TTC13: variants seen among roughly 807,000 people sequenced by gnomAD.
TTC13 encodes the protein tetratricopeptide repeat protein 13.
TTC13 carries 62 observed loss-of-function variants against 120.0 expected under a neutral mutation model. The ratio of observed to expected loss-of-function variants is 0.52; its 90% CI spans 0.42 to 0.64. The LOEUF (loss-of-function observed/expected upper bound fraction) is 0.64. Ranked by LOEUF, TTC13 falls within the 30% of genes least tolerant of loss-of-function variation. The pLI is 0.00. For missense variants in TTC13, 824 were observed against 1,050.2 expected, an observed-to-expected ratio of 0.78 and a Z score of 2.98; for synonymous variants, 384 against 393.5, an observed-to-expected ratio of 0.98 and a Z score of 0.28.
intron 13 of TTC13, among the ~76,000 whole-genome samples, chr1:230,925,205 G>A (rs1011003293): frequency 5.9e-5 from 9 of 152,166 alleles, no homozygotes; most frequent in Admixed American, 4.6e-4. Flanking sequence ...GCCTCCTACT[G>A]AAACAAGTGG....
At chr1:230,913,801 C>T (rs555398636) in intron 18 of TTC13, among the ~76,000 whole-genome samples, 136 of 152,294 alleles carry the variant, frequency 8.9e-4, no homozygotes, top group African/African-American at 3.2e-3. Flanking sequence ...GAGACCCAGA[C>T]ATTGGAAAGC....
rs190037520 is a variant in TTC13 at position 230,917,608 on chromosome 1, T to C, written c.1984-1306A>G. On this transcript the variant is annotated intron_variant, in intron 17 of 22. Transcript: ENST00000366661. ...TCCTGGGTAAAGGCTAGATGTATAATGCTGAAATGGAATGTCATCCCACCG... is the reference window on the plus strand; with the variant it reads ...TCCTGGGTAAAGGCTAGATGTATAACGCTGAAATGGAATGTCATCCCACCG... Among the ~76,000 whole-genome samples the C allele has an allele frequency of 3.3e-3, 506 of 152,232 alleles. 3 individuals are homozygous for C. The highest frequency in any genetic ancestry group is 7.0e-3 in the South Asian group (34 of 4,828).
intron 4 of TTC13, among the ~76,000 whole-genome samples, chr1:230,948,400 C>CAAAAAA (rs57051929): frequency 0.15 from 14,563 of 96,094 alleles, 1,564 homozygotes; most frequent in Non-Finnish European, 0.23. Context: ...ACTCACAATA[C>CAAAAAA]AAAAAAAAAA....
At chr1:230,930,910 C>T (rs1048798173) in intron 11 of TTC13, among the ~76,000 whole-genome samples, 1 of 152,144 alleles carries the variant, frequency 6.6e-6, no homozygotes, top group Non-Finnish European at 1.5e-5. Flanking sequence ...GAGCAAGACT[C>T]CATCTCAAAA....
intron 8 of TTC13, among the ~76,000 whole-genome samples, chr1:230,935,170 T>G (rs1435251376): frequency 6.6e-6 from 1 of 152,338 alleles, no homozygotes; most frequent in East Asian, 1.9e-4. Flanking sequence ...TGGTGTAACC[T>G]TGATCTTTTA....
intron 17 of TTC13, 98 bp from the exon 18 acceptor site, chr1:230,916,400 A>G (rs1324168681): frequency 3.2e-6 from 3 of 933,644 alleles, no homozygotes; most frequent in Non-Finnish European, 5.2e-6. Flanking sequence ...ATGTTTTTAA[A>G]AAGGGCCAAG....
intron 1 of TTC13, among the ~76,000 whole-genome samples, chr1:230,973,528 A>C (rs939395330): frequency 1.2e-4 from 18 of 152,250 alleles, no homozygotes; most frequent in African/African-American, 4.1e-4. Flanking sequence ...ATGAAAATTA[A>C]GACATCAAGT....
rs561074147 is a variant in TTC13 at position 230,960,506 on chromosome 1, G to T, written c.366+703C>A. On this transcript the variant is annotated intron_variant, in intron 2 of 22. Coordinates refer to ENST00000366661, the MANE Select transcript of TTC13 (RefSeq NM_024525.5). ...TGCAGCGAGTTAGGTAAAAGCAGAC[G>T]ATCATTCTCTAGTTTGCAGTTTCAA... is the stretch of plus-strand genomic sequence containing the variant. 1.7e-4 allele frequency among the ~76,000 whole-genome samples: 25 copies of T among 151,278 alleles called. 1 individual carries two copies. The East Asian group carries it at 2.5e-3, about 15-fold the overall frequency.
Position 230,910,331 on chromosome 1 carries a change from C to T in TTC13, c.2309+1139G>A, listed in dbSNP as rs149350599. On this transcript the variant is annotated intron_variant, in intron 20 of 22. Coordinates refer to ENST00000366661, the MANE Select transcript of TTC13 (RefSeq NM_024525.5). ...GAAGCAAAAGAGCCACGGAAGAGAG[C>T]GGTGCTGCAGCCAAGGCAAACCAGG... 4.9e-3 allele frequency among the ~76,000 whole-genome samples: 746 copies of T among 152,294 alleles called. 10 individuals carry two copies. The highest frequency in any genetic ancestry group is 0.016 in the African/African-American group (654 of 41,556).
chr1:230,911,216 T>C (rs1252989525), intron 20 of TTC13, among the ~76,000 whole-genome samples: 1 of 152,204 alleles, frequency 6.6e-6, no homozygotes, highest in Non-Finnish European at 1.5e-5. Flanking sequence ...CAGTAAACTT[T>C]CCATGAACTT....
At chr1:230,943,664 G>A (rs1472186928) in intron 6 of TTC13, 142 bp downstream of exon 6, 3 of 563,250 alleles carry the variant, frequency 5.3e-6, no homozygotes, top group Non-Finnish European at 9.3e-6. Context: ...TTTCAACCAT[G>A]CTTAAAGGCA....
chr1:230,957,566 C>T (rs945732105), intron 3 of TTC13, among the ~76,000 whole-genome samples: 2 of 152,166 alleles, frequency 1.3e-5, no homozygotes, highest in African/African-American at 4.8e-5. Flanking sequence ...TGACTGGGCC[C>T]CATGCGAAAA....
chr1:230,978,687 GTGCTCGGTGGCCAGGGCGCCTGGCCGC>G lies in TTC13; in HGVS notation c.117_143del (p.Arg40_His48del). ...GCTTGAGCAGGGAGAGCGGCGAGTA[GTGCTCGGTGGCCAGGGCGCCTGGCCGC>G]AGCCCGGCGGACAGGACCCCCAGCA... On this transcript the variant is annotated inframe_deletion, in exon 1 of 23. Transcript: ENST00000366661. The surrounding 1 kb of genome is among the most constrained non-coding windows in gnomAD (Gnocchi z 5.6). 5 of 1,494,814 alleles carry G rather than the reference GTGCTCGGTGGCCAGGGCGCCTGGCCGC, an allele frequency of 3.3e-6. No individual in the cohort carries two copies. Among genetic ancestry groups the G allele is most frequent in the Non-Finnish European group, 4.4e-6 (5 of 1,130,544 alleles). The allele number at this position is 1,494,814 out of a possible 1,614,324, so 92.6% of individuals were successfully genotyped here.
intron 1 of TTC13, among the ~76,000 whole-genome samples, chr1:230,964,551 C>A (rs1676951740): frequency 6.6e-6 from 1 of 152,170 alleles, no homozygotes; most frequent in Non-Finnish European, 1.5e-5. Context: ...TTTAAGTCAT[C>A]TAAACCTATC....
At chr1:230,959,420 T>C (rs1488210421) in intron 2 of TTC13, among the ~76,000 whole-genome samples, 3 of 152,198 alleles carry the variant, frequency 2.0e-5, no homozygotes, top group African/African-American at 4.8e-5. Flanking sequence ...TCTCTCTTTT[T>C]GCCCAGGCTT....
intron 18 of TTC13, among the ~76,000 whole-genome samples, chr1:230,913,419 G>A (rs183936330): frequency 1.3e-5 from 2 of 152,300 alleles, no homozygotes; most frequent in East Asian, 3.9e-4. Context: ...GAGAGCATTG[G>A]CATGATCATA....
chr1:230,906,279 C>T lies in TTC13; in HGVS notation c.*626G>A, dbSNP rs1670931472. 6.6e-6 allele frequency: 1 copy of T among 152,020 alleles called. No homozygotes were observed. Among genetic ancestry groups the T allele is most frequent in the Admixed American group, 6.6e-5 (1 of 15,262 alleles). The allele number at this position is 152,020 out of a possible 1,614,324, so 9.4% of individuals were successfully genotyped here. ...AAACTGGTGATTTATAGAAATCACC[C>T]TGGTTTATTTTTTTCAACAAAGGAA... On this transcript the variant is annotated 3_prime_UTR_variant, in exon 23 of 23. Transcript: ENST00000366661.
In TTC13 at chr1:230,931,406, T is replaced by C. The variant is rs770623598; in HGVS notation, c.1192A>G (p.Met398Val). Reference sequence around the variant, plus strand: ...TTTATCCCTTCATAAAACTGTCCCATGGCAACATGGCTGAGCCCTTTCATA... The same window carrying C: ...TTTATCCCTTCATAAAACTGTCCCACGGCAACATGGCTGAGCCCTTTCATA... ...QYMKGLSHVA[M>V]GQFYEGIKAQ... The change falls in exon 11 of 23, where the codon ATG becomes GTG. Residue 398 changes from methionine (M) to valine (V), a missense_variant. Met to Val is a conservative substitution (Grantham distance 21). Transcript: ENST00000366661. The C allele has an allele frequency of 9.3e-6, 15 of 1,614,240 alleles. No homozygotes were observed. The highest frequency in any genetic ancestry group is 1.3e-5 in the Non-Finnish European group (15 of 1,180,040).
intron 18 of TTC13, among the ~76,000 whole-genome samples, chr1:230,915,055 T>C (rs924411700): frequency 1.3e-5 from 2 of 152,164 alleles, no homozygotes; most frequent in Non-Finnish European, 2.9e-5. Context: ...ATGATCTTTA[T>C]TGGGAACGTA....
Sources: gnomAD v4.1 joint callset for allele counts (sites outside exome capture counted in the v4.1 genomes callset) on GRCh38, gnomAD v4.1.1 for gene constraint, Gnocchi (gnomAD v3.1) non-coding constraint, MANE v1.5 for transcripts, NCBI Gene and HGNC (gene_info 2026-07-23, HGNC 2026-07-21) for gene names.